PRKCE: variants seen among roughly 807,000 people sequenced by gnomAD.
PRKCE encodes the protein protein kinase C epsilon type.
PRKCE carries 16 observed loss-of-function variants against 85.4 expected under a neutral mutation model. That is an observed-to-expected ratio of 0.19 (90% CI 0.13 to 0.28). PRKCE has a LOEUF of 0.28. PRKCE is among the 10% of genes least tolerant of loss of function. PRKCE has a pLI of 1.00. For missense variants in PRKCE, 573 were observed against 975.2 expected (o/e 0.59, Z 5.49); for synonymous variants, 388 against 371.5 (o/e 1.04, Z -0.51).
At chr2:45,743,992 G>GTTT (rs753249039) in intron 1 of PRKCE, among the ~76,000 whole-genome samples, 18 of 70,264 alleles carry the variant, frequency 2.6e-4, no homozygotes, top group South Asian at 1.1e-3. Context: ...TGGCCGTTGT[G>GTTT]TGTTTTTTTT....
chr2:45,928,517 G>A (rs555438446), intron 2 of PRKCE, among the ~76,000 whole-genome samples: 5 of 152,262 alleles, frequency 3.3e-5, no homozygotes, highest in South Asian at 4.1e-4. Flanking sequence ...AATTCTGCCC[G>A]CCTCGGCTTC....
intron 8 of PRKCE, among the ~76,000 whole-genome samples, chr2:46,006,720 C>T (rs926023596): frequency 1.2e-4 from 19 of 152,226 alleles, no homozygotes; most frequent in Non-Finnish European, 2.5e-4. Flanking sequence ...GATCATCCAG[C>T]ATTATCTCCC....
At chr2:45,669,030 G>A (rs1225196331) in intron 1 of PRKCE, among the ~76,000 whole-genome samples, 1 of 152,080 alleles carries the variant, frequency 6.6e-6, no homozygotes, top group African/African-American at 2.4e-5. Flanking sequence ...CTTTCACATT[G>A]TTGGGACTGA....
In PRKCE at chr2:45,652,086, C is replaced by T; in HGVS notation, c.-15C>T. On this transcript the variant is annotated 5_prime_UTR_variant, in exon 1 of 15. Coordinates refer to ENST00000306156, the MANE Select transcript of PRKCE (RefSeq NM_005400.3). The surrounding 1 kb of genome is among the most constrained non-coding windows in gnomAD (Gnocchi z 7.7). Reference sequence around the variant, plus strand: ...GCAGACGGAGTGACCCCGGCCCCCACTCCCCGCCCCGACCATGGTAGTGTT... The same window carrying T: ...GCAGACGGAGTGACCCCGGCCCCCATTCCCCGCCCCGACCATGGTAGTGTT... 6.6e-7 allele frequency: 1 copy of T among 1,512,564 alleles called. No homozygotes were observed. Among genetic ancestry groups the T allele is most frequent in the Non-Finnish European group, 8.9e-7 (1 of 1,120,300 alleles). 93.7% of individuals were successfully genotyped at this position (1,512,564 alleles called of 1,614,324 possible).
chr2:46,137,575 A>G (rs1383936525), intron 11 of PRKCE, among the ~76,000 whole-genome samples: 4 of 147,452 alleles, frequency 2.7e-5, no homozygotes, highest in African/African-American at 1.0e-4. Context: ...ACATGGTGAA[A>G]CCCTGTCTCT....
intron 1 of PRKCE, among the ~76,000 whole-genome samples, chr2:45,817,412 G>T (rs929187327): frequency 6.6e-6 from 1 of 151,984 alleles, no homozygotes; most frequent in African/African-American, 2.4e-5. Flanking sequence ...AAAACTTTCC[G>T]GCTGGGCGCG....
At chr2:45,915,059 T>C (rs538318606) in intron 2 of PRKCE, among the ~76,000 whole-genome samples, 1 of 152,292 alleles carries the variant, frequency 6.6e-6, no homozygotes, top group Admixed American at 6.5e-5. Flanking sequence ...CAGCTAATCT[T>C]TGTATTTTTA....
chr2:46,141,397 G>T (rs926909801), intron 11 of PRKCE, among the ~76,000 whole-genome samples: 42 of 152,112 alleles, frequency 2.8e-4, no homozygotes, highest in African/African-American at 9.9e-4. Context: ...TAAATGAGGG[G>T]AAATGAACAT....
chr2:46,108,376 G>A (rs114022932), intron 11 of PRKCE, among the ~76,000 whole-genome samples: 179 of 152,266 alleles, frequency 1.2e-3, no homozygotes, highest in Middle Eastern at 3.4e-3. Flanking sequence ...AGAATTGGAG[G>A]CCATTGTCTT....
chr2:45,730,106 T>C (rs1455137090), intron 1 of PRKCE, among the ~76,000 whole-genome samples: 1 of 152,184 alleles, frequency 6.6e-6, no homozygotes, highest in Non-Finnish European at 1.5e-5. Context: ...GTTACAGTCA[T>C]GTTACCATAG....
chr2:46,050,842 T>C (rs532979529), intron 10 of PRKCE, among the ~76,000 whole-genome samples: 2 of 152,316 alleles, frequency 1.3e-5, no homozygotes, highest in African/African-American at 4.8e-5. Flanking sequence ...AAAGTCTCAC[T>C]CTTTTCTAGA....
intron 14 of PRKCE, among the ~76,000 whole-genome samples, chr2:46,178,848 G>T (rs974698531): frequency 1.3e-5 from 2 of 152,188 alleles, no homozygotes; most frequent in African/African-American, 4.8e-5. Flanking sequence ...TAATACACAT[G>T]AAATAGCAGA....
chr2:45,660,139 T>G (rs576299255), intron 1 of PRKCE, among the ~76,000 whole-genome samples: 114 of 152,302 alleles, frequency 7.5e-4, no homozygotes, highest in African/African-American at 2.3e-3. Flanking sequence ...TTGGTAGATA[T>G]GGGGTTTGGT....
intron 1 of PRKCE, among the ~76,000 whole-genome samples, chr2:45,669,871 C>T (rs1360343992): frequency 1.3e-5 from 2 of 152,078 alleles, no homozygotes; most frequent in African/African-American, 4.8e-5. Flanking sequence ...ATTAGCCAGG[C>T]ATGGAGGCAG....
At chr2:46,028,991 G>T (rs943651253) in intron 10 of PRKCE, among the ~76,000 whole-genome samples, 4 of 152,132 alleles carry the variant, frequency 2.6e-5, no homozygotes, top group Non-Finnish European at 4.4e-5. Flanking sequence ...GACATGATCT[G>T]GTTCTTTTTT....
At chr2:46,074,649 G>T (rs1345141853) in intron 10 of PRKCE, among the ~76,000 whole-genome samples, 8 of 152,144 alleles carry the variant, frequency 5.3e-5, no homozygotes, top group Non-Finnish European at 1.2e-4. Context: ...GAACTGATAA[G>T]GTGACTCTTG....
chr2:45,744,524 CTTTT>C (rs59521340), intron 1 of PRKCE, among the ~76,000 whole-genome samples: 1 of 35,838 alleles, frequency 2.8e-5, no homozygotes, highest in African/African-American at 8.3e-5. Flanking sequence ...TTCTTTCTTT[CTTTT>C]TCTTTCCTTC....
intron 10 of PRKCE, among the ~76,000 whole-genome samples, chr2:46,014,439 A>T (rs1228185051): frequency 6.6e-6 from 1 of 152,218 alleles, no homozygotes; most frequent in Non-Finnish European, 1.5e-5. Context: ...CAAAATTGGC[A>T]TAGTCACAAA....
intron 1 of PRKCE, among the ~76,000 whole-genome samples, chr2:45,756,434 G>A (rs1485286623): frequency 6.6e-6 from 1 of 152,166 alleles, no homozygotes; most frequent in African/African-American, 2.4e-5. Flanking sequence ...CATTTTGCAA[G>A]TTTCTTAAAA....
Sources: gnomAD v4.1 joint callset for allele counts (sites outside exome capture counted in the v4.1 genomes callset) on GRCh38, gnomAD v4.1.1 for gene constraint, Gnocchi (gnomAD v3.1) non-coding constraint, MANE v1.5 for transcripts, NCBI Gene and HGNC (gene_info 2026-07-23, HGNC 2026-07-21) for gene names.